KANK4: variants seen among roughly 807,000 people sequenced by gnomAD.
KANK4 encodes KN motif and ankyrin repeat domains 4, also known as KN motif and ankyrin repeat domain-containing protein 4.
A neutral mutation model predicts 80.8 loss-of-function variants in KANK4; 50 were observed. The ratio of observed to expected loss-of-function variants is 0.62; its 90% CI spans 0.49 to 0.78. The LOEUF is 0.78. Ranked by LOEUF, KANK4 falls within the 30% of genes least tolerant of loss-of-function variation. The pLI, the probability that KANK4 is intolerant of heterozygous loss-of-function variation, is 0.00. For synonymous variants in KANK4, 465 were observed against 506.9 expected, an observed-to-expected ratio of 0.92 and a Z score of 1.11; for missense variants, 1,196 against 1,240.1, an observed-to-expected ratio of 0.96 and a Z score of 0.53.
chr1:62,278,157 A>C (rs1055221907), intron 2 of KANK4, among the ~76,000 whole-genome samples: 1 of 152,052 alleles, frequency 6.6e-6, no homozygotes. Flanking sequence ...TGATTTCAAA[A>C]AGAGCATCTT....
At chr1:62,298,032 G>A (rs999435218) in intron 1 of KANK4, 2 of 152,190 alleles carry the variant, frequency 1.3e-5, no homozygotes, top group African/African-American at 4.8e-5. Flanking sequence ...GGCTGATGCA[G>A]GCATCCACAG....
At chr1:62,310,246 C>T (rs565626634) in intron 1 of KANK4, among the ~76,000 whole-genome samples, 18 of 152,336 alleles carry the variant, frequency 1.2e-4, no homozygotes, top group South Asian at 4.1e-4. Flanking sequence ...CTCTCTGGTT[C>T]GCTCCTCAGT....
intron 1 of KANK4, among the ~76,000 whole-genome samples, chr1:62,292,259 C>G (rs1672694293): frequency 6.6e-6 from 1 of 152,120 alleles, no homozygotes; most frequent in African/African-American, 2.4e-5. Context: ...CAATGTCACA[C>G]AGTACCTTGG....
In KANK4 at chr1:62,310,041, C is replaced by T. The variant is rs1571054163; in HGVS notation, c.-71+9065G>A. 2.0e-5 allele frequency among the ~76,000 whole-genome samples: 3 copies of T among 152,332 alleles called. No individual in the cohort carries two copies. In the East Asian group the frequency reaches 5.8e-4, roughly 29 times the overall value. On this transcript the variant is annotated intron_variant, in intron 1 of 9. Transcript: ENST00000371153. ...AGAGGATTAAGTCAGGGAAGGCCAG[C>T]CCCGAGGCAGGCACTACAGCAAGGC... is the stretch of plus-strand genomic sequence containing the variant.
chr1:62,257,876 C>T (rs552389888), intron 7 of KANK4, among the ~76,000 whole-genome samples: 1 of 152,102 alleles, frequency 6.6e-6, no homozygotes, highest in South Asian at 2.1e-4. Flanking sequence ...ATATTTATAC[C>T]ACCCAAATTT....
chr1:62,274,243 T>G lies in KANK4; in HGVS notation c.861A>C (p.Pro287=), dbSNP rs1371578299. ...FTPGSPTPSP[P]PLPSPIPENE... ...TCTCAGGGATGGGTGATGGCAGAGG[T>G]GGCGGGCTTGGCGTAGGGGAGCCAG... The change falls in exon 3 of 10, where the codon CCA becomes CCC. Residue 287 remains proline, a synonymous_variant. Coordinates refer to ENST00000371153, the MANE Select transcript of KANK4 (RefSeq NM_181712.5). 2 of 1,613,730 alleles carry G rather than the reference T, an allele frequency of 1.2e-6. No individual in the cohort carries two copies. The highest frequency in any genetic ancestry group is 2.2e-5 in the East Asian group (1 of 44,866).
chr1:62,281,176 C>A (rs981835670), intron 2 of KANK4, among the ~76,000 whole-genome samples: 2 of 152,206 alleles, frequency 1.3e-5, no homozygotes, highest in African/African-American at 4.8e-5. Flanking sequence ...CATGCCAGCC[C>A]AAACCAGAAT....
At chr1:62,253,409 C>CTTTTTTTTTTTT (rs34488630) in intron 7 of KANK4, among the ~76,000 whole-genome samples, 200 bp from the exon 8 acceptor site, 2 of 110,982 alleles carry the variant, frequency 1.8e-5, no homozygotes, top group Non-Finnish European at 1.7e-5. Context: ...TTCTTTCTTT[C>CTTTTTTTTTTTT]TTTTTTTTTT....
chr1:62,296,549 G>C (rs76836001), intron 1 of KANK4, among the ~76,000 whole-genome samples: 1,875 of 152,142 alleles, frequency 0.012, 32 homozygotes, highest in African/African-American at 0.042. Context: ...TGGTTTTTTT[G>C]GTTTTTGTTT....
chr1:62,253,378 G>GTTTCT (rs1288793966), intron 7 of KANK4, among the ~76,000 whole-genome samples, 169 bp from the exon 8 acceptor site: 6 of 148,222 alleles, frequency 4.0e-5, no homozygotes, highest in Admixed American at 2.7e-4. Context: ...TTTAAAGATG[G>GTTTCT]TTTCTTTTCT....
At chr1:62,293,826 T>G (rs1644332948) in intron 1 of KANK4, among the ~76,000 whole-genome samples, 1 of 152,154 alleles carries the variant, frequency 6.6e-6, no homozygotes, top group African/African-American at 2.4e-5. Context: ...TGAACACCCT[T>G]CCTATACTTG....
chr1:62,314,229 GT>G, intron 1 of KANK4, among the ~76,000 whole-genome samples: 1 of 152,214 alleles, frequency 6.6e-6, no homozygotes, highest in African/African-American at 2.4e-5. Context: ...GGCCAGGCTG[GT>G]CTCGAACTCC....
At chr1:62,279,223 CACACACACACACACACACAG>C (rs1672397291) in intron 2 of KANK4, among the ~76,000 whole-genome samples, 3 of 151,970 alleles carry the variant, frequency 2.0e-5, no homozygotes, top group Non-Finnish European at 2.9e-5. Flanking sequence ...CACACACACA[CACACACACACACACACACAG>C]AGTGATCCAT....
chr1:62,268,390 C>T lies in KANK4; in HGVS notation c.2128G>A (p.Ala710Thr). 1.9e-6 allele frequency: 3 copies of T among 1,614,056 alleles called. No homozygotes were observed. Among genetic ancestry groups the T allele is most frequent in the Non-Finnish European group, 2.5e-6 (3 of 1,180,004 alleles). The change falls in exon 5 of 10, where the codon GCC (alanine) becomes ACC (threonine). Residue 710 changes from alanine (A) to threonine (T), a missense_variant. This residue lies in a region of KANK4 where 1,154 missense variants were observed against 1,179.6 expected (regional missense o/e 0.98). Coordinates refer to ENST00000371153, the MANE Select transcript of KANK4 (RefSeq NM_181712.5). ...DGPDHKHVKDAHLTCEAGQGI... is the reference protein window; with the variant it reads ...DGPDHKHVKDTHLTCEAGQGI... ...TGCCCAGCCTCGCAGGTGAGATGGG[C>T]ATCTTTGACATGCTTGTGATCTGGG...
At chr1:62,288,204 A>C (rs901062777) in intron 1 of KANK4, among the ~76,000 whole-genome samples, 1 of 152,196 alleles carries the variant, frequency 6.6e-6, no homozygotes, top group Non-Finnish European at 1.5e-5. Flanking sequence ...AACTTTCCTG[A>C]CAAGAATCAC....
chr1:62,238,114 C>T lies in KANK4; in HGVS notation c.*163G>A. 1 of 560,098 alleles carries T rather than the reference C, an allele frequency of 1.8e-6. No individual in the cohort carries two copies. Among genetic ancestry groups the T allele is most frequent in the East Asian group, 2.8e-5 (1 of 35,368 alleles). 34.7% of individuals were successfully genotyped at this position (560,098 alleles called of 1,614,324 possible). On this transcript the variant is annotated 3_prime_UTR_variant, in exon 10 of 10. Coordinates refer to ENST00000371153, the MANE Select transcript of KANK4 (RefSeq NM_181712.5). ...GCCTAAGGCAAAAACTACAAAGCAT[C>T]CTAATGAGCAGAATTATACAACAGG...
intron 1 of KANK4, among the ~76,000 whole-genome samples, chr1:62,315,270 C>G (rs1399018444): frequency 6.6e-6 from 1 of 152,152 alleles, no homozygotes; most frequent in Non-Finnish European, 1.5e-5. Context: ...ACAAACTCTA[C>G]TACAGTGTAG....
Position 62,274,886 on chromosome 1 carries a change from A to T in KANK4, c.218T>A (p.Phe73Tyr), listed in dbSNP as rs1165573017. 2 of 1,614,126 alleles carry T rather than the reference A, an allele frequency of 1.2e-6. No individual in the cohort carries two copies. The highest frequency in any genetic ancestry group is 1.7e-6 in the Non-Finnish European group (2 of 1,180,000). ...QAKFSTLPRN[F>Y]SLPDSGARPP... ...GCGAGCCCCACTGTCAGGAAGGCTG[A>T]AGTTTCGGGGCAGAGTGCTAAATTT... Residue 73 changes from phenylalanine (F) to tyrosine (Y), a missense_variant, in exon 3 of 10, where the codon TTC becomes TAC. Phe to Tyr is a conservative substitution (Grantham distance 22). Transcript: ENST00000371153.
chr1:62,245,823 C>T lies in KANK4; in HGVS notation c.2883+1649G>A, dbSNP rs192466836. Among the ~76,000 whole-genome samples the T allele has an allele frequency of 2.8e-4, 42 of 152,284 alleles. No homozygotes were observed. The East Asian group carries it at 7.3e-3, about 27-fold the overall frequency. On this transcript the variant is annotated intron_variant, in intron 9 of 9. Coordinates refer to ENST00000371153, the MANE Select transcript of KANK4 (RefSeq NM_181712.5). ...TAATTATCAGGAACAAGGTCACTTA[C>T]TGTTGACTTACCTCCAAAGTTTAGG...
Sources: gnomAD v4.1 joint callset for allele counts (sites outside exome capture counted in the v4.1 genomes callset) on GRCh38, gnomAD v4.1.1 for gene constraint, gnomAD v4.1.1 regional missense constraint, MANE v1.5 for transcripts, NCBI Gene and HGNC (gene_info 2026-07-23, HGNC 2026-07-21) for gene names.